The following SRPK1 variants were observed in gnomAD, a reference collection of about 807,000 sequenced individuals.
SRPK1 encodes the protein SFRS protein kinase 1.
A neutral mutation model predicts 89.5 loss-of-function variants in SRPK1; 52 were observed. That is an observed-to-expected ratio of 0.58 (90% confidence interval 0.46 to 0.73). The LOEUF is 0.73. Among genes scored for constraint, SRPK1 ranks in the 30% least tolerant of loss-of-function variants. The pLI is 0.00. For synonymous variants in SRPK1, 255 were observed against 270.2 expected (o/e 0.94, Z 0.55); for missense variants, 603 against 780.6 (o/e 0.77, Z 2.71).
intron 6 of SRPK1, among the ~76,000 whole-genome samples, chr6:35,885,265 A>G (rs1393435390): frequency 8.9e-6 from 1 of 111,878 alleles, no homozygotes; most frequent in Non-Finnish European, 2.0e-5. Context: ...CTTTGAACAC[A>G]CACACACACA....
intron 2 of SRPK1, among the ~76,000 whole-genome samples, chr6:35,916,836 A>C (rs1372044673): frequency 6.6e-6 from 1 of 152,242 alleles, no homozygotes; most frequent in African/African-American, 2.4e-5. Context: ...AGGCAGGTGG[A>C]TCACTCGAGG....
intron 2 of SRPK1, among the ~76,000 whole-genome samples, chr6:35,914,406 A>G (rs1012083985): frequency 2.6e-5 from 4 of 152,236 alleles, no homozygotes; most frequent in Non-Finnish European, 4.4e-5. Context: ...AGATTTTTCA[A>G]GTAATATTAC....
chr6:35,901,245 T>C (rs1400164093), intron 2 of SRPK1, among the ~76,000 whole-genome samples: 1 of 152,154 alleles, frequency 6.6e-6, no homozygotes, highest in Non-Finnish European at 1.5e-5. Flanking sequence ...ATTATTTAGA[T>C]ACAGGGTGGG....
At chr6:35,920,354 T>C in intron 2 of SRPK1, 114 bp downstream of exon 2, 1 of 1,166,788 alleles carries the variant, frequency 8.6e-7, no homozygotes, top group Non-Finnish European at 1.3e-6. Flanking sequence ...CCCGAGGCCA[T>C]GTGGCTGCAG....
At chr6:35,904,776 G>T in intron 2 of SRPK1, 1 of 197,682 alleles carries the variant, frequency 5.1e-6, no homozygotes, top group Non-Finnish European at 1.0e-5. Flanking sequence ...TTGCACTTTA[G>T]CCTGGGCAAC....
intron 2 of SRPK1, among the ~76,000 whole-genome samples, chr6:35,919,844 T>G (rs1771189318): frequency 6.6e-6 from 1 of 152,210 alleles, no homozygotes; most frequent in African/African-American, 2.4e-5. Flanking sequence ...ATTATCTGCA[T>G]CTGGTTGAGG....
At chr6:35,856,295 T>G (rs76666817) in intron 13 of SRPK1, among the ~76,000 whole-genome samples, 3,178 of 152,098 alleles carry the variant, frequency 0.021, 112 homozygotes, top group African/African-American at 0.073. Flanking sequence ...AAGCTTCACA[T>G]TTAGTACGCT....
intron 13 of SRPK1, among the ~76,000 whole-genome samples, chr6:35,851,671 A>G (rs9462134): frequency 0.32 from 47,902 of 152,010 alleles, 7,787 homozygotes; most frequent in South Asian, 0.42. Flanking sequence ...AAAATGTTAC[A>G]TTTGAGATAT....
At chr6:35,910,883 C>G (rs1258198046) in intron 2 of SRPK1, among the ~76,000 whole-genome samples, 1 of 152,182 alleles carries the variant, frequency 6.6e-6, no homozygotes, top group Non-Finnish European at 1.5e-5. Context: ...TATTTTAAGG[C>G]CACTATTGAG....
Position 35,870,977 on chromosome 6 carries a change from C to A in SRPK1, c.752-18G>T. 1 of 1,604,718 alleles carries A rather than the reference C, an allele frequency of 6.2e-7. No homozygotes were observed. ...AGTACTGACTGAAAAGAAAAGAAAACCAAGTAAGAATTCTGGCATTCATCA... is the reference window on the plus strand; with the variant it reads ...AGTACTGACTGAAAAGAAAAGAAAAACAAGTAAGAATTCTGGCATTCATCA... On this transcript the variant is annotated intron_variant, in intron 8 of 15. Transcript: ENST00000373825.
intron 2 of SRPK1, among the ~76,000 whole-genome samples, chr6:35,910,889 T>C (rs1210036889): frequency 6.6e-6 from 1 of 152,232 alleles, no homozygotes; most frequent in East Asian, 1.9e-4. Context: ...AAGGCCACTA[T>C]TGAGACCTTC....
Position 35,900,896 on chromosome 6 carries a change from T to C in SRPK1, c.75-9883A>G, listed in dbSNP as rs138227479. ...AAAGCTGGGCATGGTGGCACACACC[T>C]GTAGTCCCAGCTACTCAGGAGGCTG... On this transcript the variant is annotated intron_variant, in intron 2 of 15. Transcript: ENST00000373825. Among the ~76,000 whole-genome samples the C allele has an allele frequency of 7.0e-3, 1,063 of 152,274 alleles. 10 individuals carry two copies. The highest frequency in any genetic ancestry group is 0.02 in the African/African-American group (832 of 41,554).
chr6:35,873,915 C>T (rs1167370075), intron 7 of SRPK1, among the ~76,000 whole-genome samples: 1 of 151,534 alleles, frequency 6.6e-6, no homozygotes, highest in Non-Finnish European at 1.5e-5. Context: ...CAAGCTCCGC[C>T]TCCTGGGTTC....
At chr6:35,887,992 C>T in intron 5 of SRPK1, 32 bp downstream of exon 5, 2 of 1,435,230 alleles carry the variant, frequency 1.4e-6, no homozygotes, top group Non-Finnish European at 1.9e-6. Context: ...ATTTATAATT[C>T]TTCACATTCA....
At chr6:35,888,771 A>G (rs745623328) in intron 4 of SRPK1, 44 bp downstream of exon 4, 2 of 1,223,028 alleles carry the variant, frequency 1.6e-6, no homozygotes, top group Non-Finnish European at 2.4e-6. Flanking sequence ...AAACACATTT[A>G]GACATCATCT....
chr6:35,885,298 C>CACACACACAGAG (rs1276672274), intron 6 of SRPK1, among the ~76,000 whole-genome samples: 26 of 113,110 alleles, frequency 2.3e-4, no homozygotes, highest in African/African-American at 4.0e-4. Flanking sequence ...CACACACACA[C>CACACACACAGAG]AGAGAGAGAG....
chr6:35,876,824 C>G (rs1770165127), intron 6 of SRPK1, among the ~76,000 whole-genome samples: 1 of 152,188 alleles, frequency 6.6e-6, no homozygotes, highest in African/African-American at 2.4e-5. Context: ...GAAACAAGAG[C>G]TGAACCCTGG....
In SRPK1 at chr6:35,843,574, C is replaced by T. The variant is rs186584982; in HGVS notation, c.1621-970G>A. Among the ~76,000 whole-genome samples the T allele has an allele frequency of 1.7e-3, 262 of 151,986 alleles. 6 individuals are homozygous for T. In the South Asian group the frequency reaches 0.026, roughly 15 times the overall value. On this transcript the variant is annotated intron_variant, in intron 13 of 15. Coordinates refer to ENST00000373825, the MANE Select transcript of SRPK1 (RefSeq NM_003137.5). ...CAAGTGATTCTCCTGCCTCAGCCTCCGGAGTAGCTGGGACTACAGGTGCAT... is the reference window on the plus strand; with the variant it reads ...CAAGTGATTCTCCTGCCTCAGCCTCTGGAGTAGCTGGGACTACAGGTGCAT...
chr6:35,898,656 T>G (rs1267097895), intron 2 of SRPK1, among the ~76,000 whole-genome samples: 2 of 152,080 alleles, frequency 1.3e-5, no homozygotes, highest in African/African-American at 4.8e-5. Flanking sequence ...CACTTGAACT[T>G]GGGAGGCGGA....
Sources: allele counts gnomAD v4.1 joint callset (sites outside exome capture counted in the v4.1 genomes callset), GRCh38; gene constraint gnomAD v4.1.1; transcripts MANE v1.5; gene names NCBI Gene and HGNC (gene_info 2026-07-23, HGNC 2026-07-21).